Variants in TANC1 observed in about 807,000 individuals in gnomAD.
TANC1 encodes protein TANC1.
TANC1 carries 77 observed loss-of-function variants against 149.7 expected under a neutral mutation model. That is an observed-to-expected ratio of 0.51 (90% CI 0.43 to 0.62). The LOEUF (loss-of-function observed/expected upper bound fraction) is 0.62. Among genes scored for constraint, TANC1 ranks in the 20% least tolerant of loss-of-function variants. The pLI is 0.00. For synonymous variants in TANC1, 854 were observed against 925.0 expected, an observed-to-expected ratio of 0.92 and a Z score of 1.39; for missense variants, 1,985 against 2,321.8, an observed-to-expected ratio of 0.85 and a Z score of 2.98.
chr2:159,219,843 T>A lies in TANC1; in HGVS notation c.3654T>A (p.Ala1218=), dbSNP rs2059575216. The A allele has an allele frequency of 1.2e-6, 2 of 1,613,428 alleles. No individual in the cohort carries two copies. The highest frequency in any genetic ancestry group is 1.7e-6 in the Non-Finnish European group (2 of 1,180,018). Reference sequence around the variant, plus strand: ...ATGGCCGCACACCCTTGGACCTGGCTGCCTTCTATGGCGATGCCGAGACTG... The same window carrying A: ...ATGGCCGCACACCCTTGGACCTGGCAGCCTTCTATGGCGATGCCGAGACTG... The part of the protein sequence containing the change: ...DKNGRTPLDL[A]AFYGDAETVL... The change falls in exon 22 of 27, where the codon GCT becomes GCA. Residue 1218 remains alanine (A), a synonymous_variant. Coordinates refer to ENST00000263635, the MANE Select transcript of TANC1 (RefSeq NM_033394.3).
rs1220523909 is a variant in TANC1 at position 158,972,334 on chromosome 2, C to CT, written c.-126+3559dup. On this transcript the variant is annotated intron_variant, in intron 1 of 26. Transcript: ENST00000263635. ...AATTGCAAAGCCTGGGTGAGTATTC[C>CT]TTTTTTTGGTGTCATCATTCTTGGA... Among the ~76,000 whole-genome samples the CT allele has an allele frequency of 2.0e-5, 3 of 152,224 alleles. No individual in the cohort carries two copies. In the East Asian group the frequency reaches 5.8e-4, roughly 29 times the overall value.
chr2:159,017,937 C>G (rs908969129), intron 2 of TANC1, among the ~76,000 whole-genome samples: 1 of 151,916 alleles, frequency 6.6e-6, no homozygotes, highest in African/African-American at 2.4e-5. Flanking sequence ...AAAATAGTAC[C>G]CTGATTGGGA....
intron 2 of TANC1, among the ~76,000 whole-genome samples, chr2:159,058,267 G>T (rs2041994139): frequency 6.6e-6 from 1 of 152,150 alleles, no homozygotes; most frequent in African/African-American, 2.4e-5. Flanking sequence ...GCTTCTGAAA[G>T]CCTGTTATTT....
At chr2:159,151,826 C>T (rs2052840335) in intron 7 of TANC1, among the ~76,000 whole-genome samples, 1 of 152,148 alleles carries the variant, frequency 6.6e-6, no homozygotes. Flanking sequence ...TTTATTTTAC[C>T]TTCATTCTTT....
At chr2:159,025,466 A>G (rs529237341) in intron 2 of TANC1, among the ~76,000 whole-genome samples, 1 of 152,094 alleles carries the variant, frequency 6.6e-6, no homozygotes, top group Non-Finnish European at 1.5e-5. Context: ...TTTAAAGCAA[A>G]TCCCAGACAC....
At chr2:159,174,775 C>T (rs1202421324) in intron 11 of TANC1, among the ~76,000 whole-genome samples, 178 bp from the exon 12 acceptor site, 1 of 152,098 alleles carries the variant, frequency 6.6e-6, no homozygotes, top group East Asian at 1.9e-4. Context: ...GTCTGCAAAC[C>T]ACATAAGTGA....
intron 4 of TANC1, among the ~76,000 whole-genome samples, chr2:159,134,318 T>C (rs2050423625): frequency 6.6e-6 from 1 of 152,158 alleles, no homozygotes; most frequent in Non-Finnish European, 1.5e-5. Flanking sequence ...ATTTTCTTTA[T>C]TTTTGAGACA....
intron 4 of TANC1, among the ~76,000 whole-genome samples, chr2:159,106,601 A>G (rs1046638492): frequency 1.3e-5 from 2 of 152,208 alleles, no homozygotes; most frequent in African/African-American, 4.8e-5. Context: ...TTGTTTCCAC[A>G]TTGGCTATTT....
At chr2:159,219,597 G>T in intron 21 of TANC1, 95 bp from the exon 22 acceptor site, 1 of 1,486,634 alleles carries the variant, frequency 6.7e-7, no homozygotes. Context: ...ACTGACACTT[G>T]GTTCAGGCCG....
At chr2:158,994,698 T>C (rs1324696721) in intron 1 of TANC1, among the ~76,000 whole-genome samples, 1 of 152,242 alleles carries the variant, frequency 6.6e-6, no homozygotes, top group East Asian at 1.9e-4. Context: ...TTTGTAACTT[T>C]TTAAAACTTT....
In TANC1 at chr2:159,229,998, C is replaced by G; in HGVS notation, c.4572C>G (p.Leu1524=). Reference sequence around the variant, plus strand: ...AGCCTGTGGCCCAGCCAGGGCTGCTCCTGCAGCCCTCCAAGCAGGCCCAGA... The same window carrying G: ...AGCCTGTGGCCCAGCCAGGGCTGCTGCTGCAGCCCTCCAAGCAGGCCCAGA... ...LREPVAQPGL[L]LQPSKQAQIV... The change falls in exon 27 of 27, where the codon CTC becomes CTG. Residue 1524 remains leucine (L), a synonymous_variant. Coordinates refer to ENST00000263635, the MANE Select transcript of TANC1 (RefSeq NM_033394.3). The G allele has an allele frequency of 6.2e-7, 1 of 1,614,048 alleles. No homozygotes were observed. The highest frequency in any genetic ancestry group is 8.5e-7 in the Non-Finnish European group (1 of 1,180,026).
chr2:159,221,454 G>A (rs570089146), intron 22 of TANC1, among the ~76,000 whole-genome samples: 1 of 152,036 alleles, frequency 6.6e-6, no homozygotes, highest in African/African-American at 2.4e-5. Context: ...TACTCCTCCT[G>A]TCTAACTGAA....
At chr2:159,208,674 G>A (rs1015307718) in intron 19 of TANC1, among the ~76,000 whole-genome samples, 42 of 152,218 alleles carry the variant, frequency 2.8e-4, no homozygotes, top group Non-Finnish European at 2.2e-4. Flanking sequence ...GCTCCAGCCA[G>A]GCTGCTTCTG....
In TANC1 at chr2:159,136,045, T is replaced by TGTGTGTGTGC. The variant is rs1559326068; in HGVS notation, c.260-144_260-143insTGTGCGTGTG. The TGTGTGTGTGC allele has an allele frequency of 8.1e-4, 87 of 107,790 alleles. 15 individuals are homozygous for TGTGTGTGTGC. The highest frequency in any genetic ancestry group is 1.3e-3 in the Non-Finnish European group (63 of 49,414). The allele number at this position is 107,790 out of a possible 1,614,324, so 6.7% of individuals were successfully genotyped here. A position where few individuals can be genotyped will look rare whatever the true frequency, so the allele number is the denominator to read the frequency against. On this transcript the variant is annotated intron_variant, in intron 4 of 26. Transcript: ENST00000263635. ...GTGTGTGTGTGTGTGTGTGTGTGTG[T>TGTGTGTGTGC]GTGTGCGCGCGCGCGCGTTTAAGGG...
chr2:159,119,568 A>G (rs977959405), intron 4 of TANC1, among the ~76,000 whole-genome samples: 3 of 152,218 alleles, frequency 2.0e-5, no homozygotes, highest in Non-Finnish European at 4.4e-5. Context: ...TTTAACCAAT[A>G]AAAATTCGAC....
At chr2:159,170,273 C>A (rs77240304) in intron 9 of TANC1, among the ~76,000 whole-genome samples, 2 of 152,140 alleles carry the variant, frequency 1.3e-5, no homozygotes, top group African/African-American at 2.4e-5. Context: ...GAGAATAATT[C>A]AAAGCCATGA....
intron 4 of TANC1, among the ~76,000 whole-genome samples, chr2:159,101,518 G>GT (rs35562743): frequency 0.12 from 17,649 of 146,198 alleles, 1,775 homozygotes; most frequent in East Asian, 0.6. Context: ...CATTTATTTG[G>GT]TTTTTTTTTT....
At chr2:159,177,812 G>C (rs774384809) in intron 13 of TANC1, among the ~76,000 whole-genome samples, 1 of 152,192 alleles carries the variant, frequency 6.6e-6, no homozygotes, top group Non-Finnish European at 1.5e-5. Flanking sequence ...CTTTGGAATG[G>C]GGAAGAGATG....
intron 4 of TANC1, among the ~76,000 whole-genome samples, chr2:159,108,129 G>A (rs972869402): frequency 6.6e-6 from 1 of 152,218 alleles, no homozygotes. Context: ...AATTTTAAAT[G>A]TAACAGTCCT....
Sources: gnomAD v4.1 joint callset for allele counts (sites outside exome capture counted in the v4.1 genomes callset) on GRCh38, gnomAD v4.1.1 for gene constraint, MANE v1.5 for transcripts, NCBI Gene and HGNC (gene_info 2026-07-23, HGNC 2026-07-21) for gene names.